PCBP3: variants seen among roughly 807,000 people sequenced by gnomAD.
The protein encoded by PCBP3 is poly(rC)-binding protein 3.
A neutral mutation model predicts 52.7 loss-of-function variants in PCBP3; 25 were observed. The observed-to-expected ratio is 0.47, with a 90% CI of 0.35 to 0.66. The LOEUF is 0.66. PCBP3 is among the 30% of genes least tolerant of loss of function. The probability of loss-of-function intolerance (pLI) is 0.01; values close to 1 mark genes in which losing one functional copy is unlikely to be tolerated. For synonymous variants in PCBP3, 162 were observed against 183.0 expected (o/e 0.89, Z 0.93); for missense variants, 391 against 490.3 (o/e 0.80, Z 1.91).
intron 2 of PCBP3, among the ~76,000 whole-genome samples, chr21:45,687,041 T>C (rs963012684): frequency 1.3e-5 from 2 of 152,026 alleles, no homozygotes; most frequent in Non-Finnish European, 2.9e-5. Flanking sequence ...AGATGCTTAA[T>C]AAAACTCAAG....
At chr21:45,723,896 A>G (rs982078040) in intron 2 of PCBP3, among the ~76,000 whole-genome samples, 4 of 152,160 alleles carry the variant, frequency 2.6e-5, no homozygotes, top group African/African-American at 9.7e-5. Context: ...CGAGAGTGGT[A>G]ATTATTTATA....
chr21:45,842,565 T>C (rs2093720804), intron 4 of PCBP3, among the ~76,000 whole-genome samples: 1 of 152,224 alleles, frequency 6.6e-6, no homozygotes, highest in Non-Finnish European at 1.5e-5. Flanking sequence ...TTTTCTTTTC[T>C]CTTTCATGTT....
chr21:45,921,451 C>T (rs1283348332), intron 13 of PCBP3, among the ~76,000 whole-genome samples: 1 of 152,142 alleles, frequency 6.6e-6, no homozygotes, highest in Non-Finnish European at 1.5e-5. Context: ...CTAAAATATG[C>T]ATGTGTTTTC....
At chr21:45,860,384 T>G (rs922434299) in intron 5 of PCBP3, among the ~76,000 whole-genome samples, 7 of 152,246 alleles carry the variant, frequency 4.6e-5, no homozygotes, top group Middle Eastern at 3.2e-3. Context: ...AGGAGTGATA[T>G]GGCTAACAGC....
chr21:45,815,241 T>G (rs1163763283), intron 4 of PCBP3, among the ~76,000 whole-genome samples: 2 of 44,694 alleles, frequency 4.5e-5, no homozygotes, highest in Non-Finnish European at 8.5e-5. Context: ...TGGTGAGTGA[T>G]GAGTGAGTGG....
intron 5 of PCBP3, among the ~76,000 whole-genome samples, chr21:45,850,368 C>T (rs947428994): frequency 6.6e-6 from 1 of 152,168 alleles, no homozygotes; most frequent in Non-Finnish European, 1.5e-5. Context: ...CAGCTCTCCC[C>T]TGGAGCCAGC....
intron 1 of PCBP3, among the ~76,000 whole-genome samples, chr21:45,644,887 CTG>C (rs1304046597): frequency 2.6e-5 from 4 of 152,234 alleles, no homozygotes; most frequent in African/African-American, 4.8e-5. Flanking sequence ...CAGGGGCAAA[CTG>C]TTGCCCTTTT....
At chr21:45,784,817 C>A (rs2090977756) in intron 4 of PCBP3, among the ~76,000 whole-genome samples, 1 of 152,184 alleles carries the variant, frequency 6.6e-6, no homozygotes, top group Admixed American at 6.5e-5. Flanking sequence ...GCTACAACAT[C>A]CACCTCCCAG....
intron 13 of PCBP3, among the ~76,000 whole-genome samples, chr21:45,922,276 A>G (rs1160495399): frequency 2.0e-5 from 3 of 152,212 alleles, no homozygotes; most frequent in East Asian, 3.9e-4. Flanking sequence ...CTCATAGGCC[A>G]GGTACAGTGG....
chr21:45,696,403 G>T (rs544666504), intron 2 of PCBP3, among the ~76,000 whole-genome samples: 19 of 152,040 alleles, frequency 1.2e-4, no homozygotes, highest in Admixed American at 5.9e-4. Flanking sequence ...TGTGAAAAAC[G>T]GCATGCACCA....
At chr21:45,648,910 A>G (rs948574844) in intron 1 of PCBP3, among the ~76,000 whole-genome samples, 5 of 152,148 alleles carry the variant, frequency 3.3e-5, no homozygotes, top group Non-Finnish European at 7.3e-5. Flanking sequence ...ATCCTTTTAA[A>G]TGTGCTGTTT....
In PCBP3 at chr21:45,796,972, A is replaced by G. The variant is rs1367072078; in HGVS notation, c.-126+41520A>G. On this transcript the variant is annotated intron_variant, in intron 4 of 17. Coordinates refer to ENST00000681687, the MANE Select transcript of PCBP3 (RefSeq NM_001384156.1). ...ACGAGGGCTTAATCAATGAATTTGT[A>G]ATGTGTCTGGGGACAGGCCATGGAG... 2.6e-5 allele frequency among the ~76,000 whole-genome samples: 4 copies of G among 152,356 alleles called. No individual in the cohort carries two copies. The East Asian group carries it at 7.7e-4, about 29-fold the overall frequency.
In PCBP3 at chr21:45,917,257, A is replaced by C; in HGVS notation, c.676-331A>C. The C allele has an allele frequency of 3.8e-6, 1 of 260,432 alleles. No individual in the cohort carries two copies. The highest frequency in any genetic ancestry group is 6.6e-6 in the Non-Finnish European group (1 of 150,632). 16.1% of individuals were successfully genotyped at this position (260,432 alleles called of 1,614,324 possible). ...CTGATTAAATTTTCAAAACCGTAAT[A>C]ATTAGTGGAGACCTCTTACTGGGCA... On this transcript the variant is annotated intron_variant, in intron 12 of 17. Coordinates refer to ENST00000681687, the MANE Select transcript of PCBP3 (RefSeq NM_001384156.1). The surrounding 1 kb of genome is among the most constrained non-coding windows in gnomAD (Gnocchi z 5.3).
Position 45,656,819 on chromosome 21 carries a change from A to G in PCBP3, c.-278-12055A>G, listed in dbSNP as rs550149779. 6.6e-6 allele frequency among the ~76,000 whole-genome samples: 1 copy of G among 151,560 alleles called. No individual in the cohort carries two copies. Among genetic ancestry groups the G allele is most frequent in the African/African-American group, 2.4e-5 (1 of 41,228 alleles). On this transcript the variant is annotated intron_variant, in intron 1 of 17. Transcript: ENST00000681687. The surrounding 1 kb of genome is among the most constrained non-coding windows in gnomAD (Gnocchi z 4.3). ...CCCTCCAACTGTGAGTAGTCTTTTC[A>G]TTTTCTTTTCTTTCTTTCTTGAGAC...
At chr21:45,875,712 G>A (rs998862537) in intron 5 of PCBP3, among the ~76,000 whole-genome samples, 7 of 152,196 alleles carry the variant, frequency 4.6e-5, no homozygotes, top group African/African-American at 9.6e-5. Flanking sequence ...GGGAAGTACC[G>A]CTCATTCGCA....
At position 45,748,746 on chromosome 21, in the gene PCBP3, G is replaced by C. The variant is rs2087139031; in HGVS notation, c.-161-6671G>C. ...GGTGAGCTGTTGTCATCGTTCCCTT[G>C]TGTTAAGCTGGCAGAGTCTGAGCAC... On this transcript the variant is annotated intron_variant, in intron 3 of 17. Coordinates refer to ENST00000681687, the MANE Select transcript of PCBP3 (RefSeq NM_001384156.1). Among the ~76,000 whole-genome samples the C allele has an allele frequency of 3.9e-5, 6 of 152,218 alleles. No homozygotes were observed. The South Asian group carries it at 1.2e-3, about 32-fold the overall frequency.
At chr21:45,867,227 C>T (rs1368679578) in intron 5 of PCBP3, among the ~76,000 whole-genome samples, 1 of 152,222 alleles carries the variant, frequency 6.6e-6, no homozygotes, top group Non-Finnish European at 1.5e-5. Flanking sequence ...GGGCACGCAA[C>T]GGCTGCTGCG....
At chr21:45,865,462 C>T (rs1359728136) in intron 5 of PCBP3, among the ~76,000 whole-genome samples, 1 of 152,212 alleles carries the variant, frequency 6.6e-6, no homozygotes, top group African/African-American at 2.4e-5. Flanking sequence ...GCAGAAATAA[C>T]GAAATGGAAC....
chr21:45,732,662 T>G (rs947608908), intron 2 of PCBP3: 5 of 152,190 alleles, frequency 3.3e-5, no homozygotes, highest in African/African-American at 1.2e-4. Context: ...GTAATTTTTT[T>G]TGTCTGTTTT....
Sources: allele counts gnomAD v4.1 joint callset (sites outside exome capture counted in the v4.1 genomes callset), GRCh38; gene constraint gnomAD v4.1.1; non-coding constraint Gnocchi (gnomAD v3.1); transcripts MANE v1.5; gene names NCBI Gene and HGNC (gene_info 2026-07-23, HGNC 2026-07-21).